Variants in ARHGAP15 observed in about 807,000 individuals in gnomAD.
ARHGAP15 encodes Rho GTPase activating protein 15, also known as rho GTPase-activating protein 15.
ARHGAP15 carries 51 observed loss-of-function variants against 63.7 expected under a neutral mutation model. That is an observed-to-expected ratio of 0.80 (90% CI 0.64 to 1.01). The LOEUF is 1.01. Among genes scored for constraint, ARHGAP15 ranks in the 50% least tolerant of loss-of-function variants. The probability of loss-of-function intolerance (pLI) is 0.00; values close to 1 mark genes in which losing one functional copy is unlikely to be tolerated. For synonymous variants in ARHGAP15, 191 were observed against 193.8 expected, an observed-to-expected ratio of 0.99 and a Z score of 0.12; for missense variants, 560 against 564.6, an observed-to-expected ratio of 0.99 and a Z score of 0.08.
chr2:143,667,509 A>G (rs893254562), intron 12 of ARHGAP15, among the ~76,000 whole-genome samples: 1 of 150,884 alleles, frequency 6.6e-6, no homozygotes, highest in Non-Finnish European at 1.5e-5. Context: ...AGCATGGCAC[A>G]TGTATACACA....
In ARHGAP15 at chr2:143,470,831, C is replaced by CAT. The variant is rs573629377; in HGVS notation, c.704-16530_704-16529dup. On this transcript the variant is annotated intron_variant, in intron 8 of 13. Coordinates refer to ENST00000295095, the MANE Select transcript of ARHGAP15 (RefSeq NM_018460.4). ...ATATATCCTGCTCCAAACAGTTTCGCATATATATATATACACACACACGTA... is the reference window on the plus strand; with the variant it reads ...ATATATCCTGCTCCAAACAGTTTCGCATATATATATATATACACACACACGTA... Among the ~76,000 whole-genome samples the CAT allele has an allele frequency of 5.2e-3, 768 of 147,618 alleles. 2 individuals are homozygous for CAT. The highest frequency in any genetic ancestry group is 5.8e-3 in the African/African-American group (235 of 40,316).
At chr2:143,330,121 A>C (rs1438969587) in intron 6 of ARHGAP15, among the ~76,000 whole-genome samples, 8 of 87,252 alleles carry the variant, frequency 9.2e-5, no homozygotes, top group Admixed American at 1.4e-4. Flanking sequence ...AAAAAAAAAA[A>C]AAAAAAAAAA....
intron 6 of ARHGAP15, among the ~76,000 whole-genome samples, chr2:143,398,813 G>A (rs912413095): frequency 1.4e-4 from 21 of 150,208 alleles, no homozygotes; most frequent in African/African-American, 4.7e-4. Context: ...ATCTAATTAC[G>A]GAGGATTTTT....
chr2:143,246,317 A>C (rs1053222263), intron 5 of ARHGAP15, among the ~76,000 whole-genome samples: 16 of 152,050 alleles, frequency 1.1e-4, no homozygotes, highest in African/African-American at 3.9e-4. Flanking sequence ...CTATCATTAA[A>C]CTTTATATTC....
intron 10 of ARHGAP15, among the ~76,000 whole-genome samples, chr2:143,523,145 C>T (rs985837491): frequency 2.0e-5 from 3 of 152,068 alleles, no homozygotes; most frequent in Non-Finnish European, 4.4e-5. Context: ...ATGAAGCAAT[C>T]GAAGCCAAAT....
intron 6 of ARHGAP15, among the ~76,000 whole-genome samples, chr2:143,335,673 A>G (rs1684741245): frequency 6.6e-6 from 1 of 152,210 alleles, no homozygotes; most frequent in Non-Finnish European, 1.5e-5. Context: ...GTTTAGGGAT[A>G]TAACTACCTA....
chr2:143,443,590 A>C (rs1388194827), intron 8 of ARHGAP15, among the ~76,000 whole-genome samples: 1 of 152,194 alleles, frequency 6.6e-6, no homozygotes, highest in Non-Finnish European at 1.5e-5. Flanking sequence ...GTTGAGTGTC[A>C]CTTGTCTTTT....
At chr2:143,191,058 C>T (rs866752936) in intron 2 of ARHGAP15, among the ~76,000 whole-genome samples, 3 of 152,316 alleles carry the variant, frequency 2.0e-5, no homozygotes, top group Admixed American at 6.5e-5. Flanking sequence ...CGTGAGCCAC[C>T]GCACCCGGCC....
intron 12 of ARHGAP15, among the ~76,000 whole-genome samples, chr2:143,676,816 C>T (rs565025148): frequency 6.6e-6 from 1 of 152,236 alleles, no homozygotes; most frequent in East Asian, 1.9e-4. Flanking sequence ...TGGGCACATA[C>T]TACTGGGAAA....
At chr2:143,576,498 C>T (rs1696686138) in intron 11 of ARHGAP15, among the ~76,000 whole-genome samples, 1 of 152,030 alleles carries the variant, frequency 6.6e-6, no homozygotes, top group South Asian at 2.1e-4. Flanking sequence ...ACACCATGCA[C>T]TTTATGTTTC....
At chr2:143,509,561 A>G (rs1693485612) in intron 9 of ARHGAP15, among the ~76,000 whole-genome samples, 1 of 152,180 alleles carries the variant, frequency 6.6e-6, no homozygotes, top group African/African-American at 2.4e-5. Flanking sequence ...CTGTGTCTTA[A>G]TTCAAAAACA....
At chr2:143,301,668 G>GA (rs769769267) in intron 6 of ARHGAP15, among the ~76,000 whole-genome samples, 35 of 151,852 alleles carry the variant, frequency 2.3e-4, no homozygotes, top group Non-Finnish European at 4.7e-4. Flanking sequence ...ATATTTCAGT[G>GA]AATGTGTGGA....
At chr2:143,369,732 G>A (rs1686459555) in intron 6 of ARHGAP15, among the ~76,000 whole-genome samples, 1 of 152,034 alleles carries the variant, frequency 6.6e-6, no homozygotes, top group African/African-American at 2.4e-5. Context: ...TTTAGTGCAA[G>A]GTATTCTACC....
At chr2:143,379,357 A>G (rs200772041) in intron 6 of ARHGAP15, among the ~76,000 whole-genome samples, 3,078 of 151,620 alleles carry the variant, frequency 0.02, 60 homozygotes, top group South Asian at 0.074. Flanking sequence ...ATATATATAT[A>G]TGTGTGTGTG....
intron 12 of ARHGAP15, among the ~76,000 whole-genome samples, chr2:143,699,314 G>T (rs1683983814): frequency 6.6e-6 from 1 of 152,058 alleles, no homozygotes; most frequent in African/African-American, 2.4e-5. Context: ...TATGTTGTAA[G>T]AAAAATAAAT....
intron 2 of ARHGAP15, among the ~76,000 whole-genome samples, chr2:143,158,862 G>A (rs1207643694): frequency 6.6e-6 from 1 of 151,990 alleles, no homozygotes; most frequent in East Asian, 1.9e-4. Flanking sequence ...AGACCAATGT[G>A]CATTGCAGCA....
rs188266109 is a variant in ARHGAP15, at chr2:143,291,467, A to G, written c.474+40867A>G. On this transcript the variant is annotated intron_variant, in intron 6 of 13. Transcript: ENST00000295095. ...ATTTGTGTGTGTTCTAATGCTTGCT[A>G]AGTGTTATGCCATAAAAGCAAAGCA... 4.3e-3 allele frequency among the ~76,000 whole-genome samples: 623 copies of G among 146,030 alleles called. 3 individuals carry two copies. The highest frequency in any genetic ancestry group is 0.015 in the African/African-American group (587 of 40,066).
intron 6 of ARHGAP15, among the ~76,000 whole-genome samples, chr2:143,332,126 C>G (rs1238846639): frequency 6.6e-6 from 1 of 152,096 alleles, no homozygotes; most frequent in Non-Finnish European, 1.5e-5. Flanking sequence ...CTTCCTTTCA[C>G]CTATTTGTAC....
intron 13 of ARHGAP15, among the ~76,000 whole-genome samples, chr2:143,728,811 C>T (rs908312113): frequency 2.0e-5 from 3 of 152,318 alleles, no homozygotes; most frequent in South Asian, 4.1e-4. Flanking sequence ...CCATTAGGAG[C>T]AGATAATGCG....
Sources: allele counts gnomAD v4.1 joint callset (sites outside exome capture counted in the v4.1 genomes callset), GRCh38; gene constraint gnomAD v4.1.1; transcripts MANE v1.5; gene names NCBI Gene and HGNC (gene_info 2026-07-23, HGNC 2026-07-21).